The following MREG variants were observed in gnomAD, a reference collection of about 807,000 sequenced individuals.
MREG encodes dilute suppressor protein homolog.
In MREG, 31 loss-of-function variants were observed where a neutral mutation model predicts 28.5. The ratio of observed to expected loss-of-function variants is 1.09; its 90% CI spans 0.82 to 1.47. MREG has a LOEUF of 1.47. Among genes scored for constraint, MREG ranks in the 40% most tolerant of loss-of-function variants. The probability of loss-of-function intolerance (pLI) is 0.00; values close to 1 mark genes in which losing one functional copy is unlikely to be tolerated. For synonymous variants in MREG, 106 were observed against 95.2 expected (o/e 1.11, Z -0.66); for missense variants, 256 against 257.4 (o/e 0.99, Z 0.04).
Position 215,965,867 on chromosome 2 carries a change from T to C in MREG, c.256-18754A>G, listed in dbSNP as rs576159297. ...AGGAATGAAGGCAGGTGAACCAATC[T>C]AATTTCTCATCAATTGCACCTCCAG... On this transcript the variant is annotated intron_variant, in intron 2 of 4. Coordinates refer to ENST00000263268, the MANE Select transcript of MREG (RefSeq NM_018000.3). Among the ~76,000 whole-genome samples, 3 of 152,326 alleles carry C rather than the reference T, an allele frequency of 2.0e-5. No individual in the cohort carries two copies. In the South Asian group the frequency reaches 6.2e-4, roughly 32 times the overall value.
rs1176600550 is a variant in MREG at position 215,964,836 on chromosome 2, CAGACAGAT to C, written c.256-17731_256-17724del. 7.0e-4 allele frequency among the ~76,000 whole-genome samples: 97 copies of C among 139,558 alleles called. 1 individual carries two copies. The highest frequency in any genetic ancestry group is 4.2e-3 in the South Asian group (18 of 4,268). 91.6% of individuals were successfully genotyped at this position (139,558 alleles called of 152,430 possible). On this transcript the variant is annotated intron_variant, in intron 2 of 4. Transcript: ENST00000263268. ...TTCCAGTTCTAAGAATCTAGACAGA[CAGACAGAT>C]AGATAGATAGATAGATAGATAGATA...
intron 2 of MREG, among the ~76,000 whole-genome samples, chr2:215,947,635 C>CGG (rs923842646): frequency 6.6e-6 from 1 of 152,156 alleles, no homozygotes; most frequent in African/African-American, 2.4e-5. Context: ...TCATAAGAAA[C>CGG]AGACACACAC....
chr2:215,948,710 C>A (rs931627786), intron 2 of MREG, among the ~76,000 whole-genome samples: 2 of 152,122 alleles, frequency 1.3e-5, no homozygotes, highest in African/African-American at 4.8e-5. Context: ...GTTTGAATCC[C>A]AGCTCTGTTA....
At chr2:215,947,140 AT>A in intron 2 of MREG, 27 bp from the exon 3 acceptor site, 2 of 1,488,848 alleles carry the variant, frequency 1.3e-6, no homozygotes, top group Middle Eastern at 1.7e-4. Flanking sequence ...GTTTAGTTTT[AT>A]TTATACCCCT....
chr2:216,011,593 T>C (rs1694312477), intron 1 of MREG, among the ~76,000 whole-genome samples: 3 of 152,218 alleles, frequency 2.0e-5, no homozygotes, highest in Admixed American at 2.0e-4. Context: ...GTGAGCAGAC[T>C]CATTCCAGGC....
At chr2:215,941,285 A>T (rs1692194159), downstream of MREG, among the ~76,000 whole-genome samples, 1 of 152,208 alleles carries the variant, frequency 6.6e-6, no homozygotes, top group Non-Finnish European at 1.5e-5. Context: ...GAGTCTAAGT[A>T]GGGGGATGAT....
chr2:216,015,205 G>C (rs529416108), upstream of MREG, among the ~76,000 whole-genome samples: 3 of 152,232 alleles, frequency 2.0e-5, no homozygotes, highest in South Asian at 4.1e-4. Context: ...GTGTGCGTGT[G>C]TGTGTTGGGT....
At chr2:215,967,811 A>C (rs531775450) in intron 2 of MREG, among the ~76,000 whole-genome samples, 54 of 152,340 alleles carry the variant, frequency 3.5e-4, no homozygotes, top group Non-Finnish European at 6.9e-4. Context: ...AATAGGCAGC[A>C]AACTGGATTT....
intron 1 of MREG, among the ~76,000 whole-genome samples, chr2:216,011,346 C>T (rs1297588248): frequency 6.6e-6 from 1 of 152,170 alleles, no homozygotes; most frequent in Non-Finnish European, 1.5e-5. Context: ...TGACACCAAA[C>T]CACATGAGAC....
intron 1 of MREG, among the ~76,000 whole-genome samples, chr2:216,031,955 T>A (rs1252063322): frequency 6.6e-6 from 1 of 152,220 alleles, no homozygotes; most frequent in Non-Finnish European, 1.5e-5. Flanking sequence ...TCATCAAGGA[T>A]TTTTAAAAGG....
At chr2:216,018,142 G>A (rs554307932), upstream of MREG, among the ~76,000 whole-genome samples, 7 of 152,104 alleles carry the variant, frequency 4.6e-5, no homozygotes, top group Middle Eastern at 3.4e-3. Context: ...CAGTCTGGGC[G>A]ACAGAACGAG....
At chr2:215,971,505 A>T (rs763104669) in intron 2 of MREG, among the ~76,000 whole-genome samples, 13 of 152,318 alleles carry the variant, frequency 8.5e-5, no homozygotes, top group Non-Finnish European at 1.8e-4. Flanking sequence ...AATATTAAGA[A>T]GTCAATGAAA....
intron 1 of MREG, among the ~76,000 whole-genome samples, chr2:216,008,351 T>C (rs1694216089): frequency 6.6e-6 from 1 of 152,208 alleles, no homozygotes; most frequent in African/African-American, 2.4e-5. Context: ...ATTGTTACTC[T>C]CTAATTTCTA....
chr2:216,001,742 C>T (rs1028694302), intron 1 of MREG, among the ~76,000 whole-genome samples: 3 of 152,232 alleles, frequency 2.0e-5, no homozygotes, highest in African/African-American at 7.2e-5. Context: ...TCCTGGGTCC[C>T]GTTCTCTGGG....
At chr2:215,978,870 G>T (rs1401687502) in intron 2 of MREG, among the ~76,000 whole-genome samples, 1 of 152,186 alleles carries the variant, frequency 6.6e-6, no homozygotes, top group Admixed American at 6.5e-5. Context: ...ACTAGGTATT[G>T]ATGGAACATA....
chr2:215,940,509 T>G (rs1165792135), downstream of MREG, among the ~76,000 whole-genome samples: 5 of 152,236 alleles, frequency 3.3e-5, no homozygotes, highest in Non-Finnish European at 7.3e-5. Flanking sequence ...TTTCCAAAAG[T>G]TACTGCCATT....
chr2:215,962,281 G>A (rs1692811921), intron 2 of MREG, among the ~76,000 whole-genome samples: 1 of 152,188 alleles, frequency 6.6e-6, no homozygotes, highest in Non-Finnish European at 1.5e-5. Flanking sequence ...GCCACAGGAA[G>A]GTGCCACTAA....
At chr2:215,977,217 A>T (rs1204822584) in intron 2 of MREG, among the ~76,000 whole-genome samples, 1 of 152,244 alleles carries the variant, frequency 6.6e-6, no homozygotes, top group Non-Finnish European at 1.5e-5. Flanking sequence ...AACAAAAAGC[A>T]GGGGTTGCAA....
intron 1 of MREG, among the ~76,000 whole-genome samples, chr2:216,029,859 C>T (rs921468645): frequency 6.6e-6 from 1 of 152,208 alleles, no homozygotes; most frequent in Non-Finnish European, 1.5e-5. Context: ...TCTCATGCAT[C>T]ATTTTACAAG....
Sources: gnomAD v4.1 joint callset for allele counts (sites outside exome capture counted in the v4.1 genomes callset) on GRCh38, gnomAD v4.1.1 for gene constraint, MANE v1.5 for transcripts, NCBI Gene and HGNC (gene_info 2026-07-23, HGNC 2026-07-21) for gene names.